Variants in GLMN observed in about 807,000 individuals in gnomAD.
GLMN encodes the protein glomulin, FKBP associated protein, also known as glomulin.
A neutral mutation model predicts 87.8 loss-of-function variants in GLMN; 75 were observed. That is an observed-to-expected ratio of 0.85 (90% CI 0.71 to 1.04). The LOEUF (loss-of-function observed/expected upper bound fraction) is 1.04. Among genes scored for constraint, GLMN ranks in the 50% least tolerant of loss-of-function variants. The pLI, the probability that GLMN is intolerant of heterozygous loss-of-function variation, is 0.00. For missense variants in GLMN, 588 were observed against 658.8 expected (o/e 0.89, Z 1.18); for synonymous variants, 206 against 221.6 (o/e 0.93, Z 0.63).
At chr1:92,307,646 G>T in the GLMN span, among the ~76,000 whole-genome samples, 1 of 151,866 alleles carries the variant, frequency 6.6e-6, no homozygotes, top group Non-Finnish European at 1.5e-5. Context: ...CTATGAGAAA[G>T]GTTAGAAAGT....
chr1:92,308,541 A>T, the GLMN span, among the ~76,000 whole-genome samples: 1 of 152,198 alleles, frequency 6.6e-6, no homozygotes, highest in Non-Finnish European at 1.5e-5. Flanking sequence ...CTACATCTTA[A>T]ATTTAACCCT....
intron 7 of GLMN, 110 bp downstream of exon 7, chr1:92,286,380 C>T (rs190629646): frequency 8.8e-5 from 50 of 568,714 alleles, no homozygotes; most frequent in Admixed American, 1.9e-4. Flanking sequence ...GTGTGTTCTA[C>T]AAAAAATACA....
the GLMN span, among the ~76,000 whole-genome samples, chr1:92,359,806 G>C: frequency 6.6e-6 from 1 of 152,198 alleles, no homozygotes; most frequent in Non-Finnish European, 1.5e-5. Flanking sequence ...AATGGCAAGA[G>C]GCAGAGGATG....
At chr1:92,306,882 A>G in the GLMN span, among the ~76,000 whole-genome samples, 1 of 152,246 alleles carries the variant, frequency 6.6e-6, no homozygotes, top group Admixed American at 6.5e-5. Flanking sequence ...ATGTTTAAAA[A>G]TAGGCAAAAC....
chr1:92,296,009 T>TA (rs1182796843), intron 3 of GLMN, among the ~76,000 whole-genome samples: 2 of 152,152 alleles, frequency 1.3e-5, no homozygotes, highest in African/African-American at 4.8e-5. Context: ...AAAGTTATCA[T>TA]AAACATGTAT....
Position 92,247,936 on chromosome 1 carries a change from A to G in GLMN, c.1527T>C (p.Leu509=). 7.0e-7 allele frequency: 1 copy of G among 1,424,242 alleles called. No individual in the cohort carries two copies. Among genetic ancestry groups the G allele is most frequent in the African/African-American group, 1.4e-5 (1 of 71,428 alleles). The allele number at this position is 1,424,242 out of a possible 1,614,324, so 88.2% of individuals were successfully genotyped here. The change falls in exon 17 of 19, where the codon CTT becomes CTC. Residue 509 remains leucine (L), a synonymous_variant. Coordinates refer to ENST00000370360, the MANE Select transcript of GLMN (RefSeq NM_053274.3). The part of the protein sequence containing the change: ...GNIENNFLKP[L]HIGLNMSKAH... ...CTTTTGACATATTAAGTCCTATATGAAGTGGCTTTAAGAAATTATTCTCAA... is the reference window on the plus strand; with the variant it reads ...CTTTTGACATATTAAGTCCTATATGGAGTGGCTTTAAGAAATTATTCTCAA...
chr1:92,366,209 A>G, the GLMN span, among the ~76,000 whole-genome samples: 1 of 152,146 alleles, frequency 6.6e-6, no homozygotes, highest in Admixed American at 6.5e-5. Context: ...AGGCTGAGGT[A>G]GAAGGATTGC....
intron 16 of GLMN, among the ~76,000 whole-genome samples, chr1:92,255,426 A>T (rs1654091328): frequency 6.6e-6 from 1 of 152,070 alleles, no homozygotes; most frequent in East Asian, 1.9e-4. Flanking sequence ...CATCTACAGA[A>T]CTCTCCACCC....
At chr1:92,247,775 CTA>C (rs1383719774) in intron 17 of GLMN, 101 bp downstream of exon 17, 11 of 691,340 alleles carry the variant, frequency 1.6e-5, no homozygotes, top group Admixed American at 2.1e-5. Flanking sequence ...GTTATGGTCT[CTA>C]AAGTACAAGA....
intron 3 of GLMN, among the ~76,000 whole-genome samples, chr1:92,296,777 G>A (rs1650113594): frequency 6.6e-6 from 1 of 152,168 alleles, no homozygotes; most frequent in Non-Finnish European, 1.5e-5. Flanking sequence ...GATGATACTG[G>A]CTAGTATAAT....
At chr1:92,253,487 G>T (rs987503783) in intron 16 of GLMN, among the ~76,000 whole-genome samples, 1 of 152,206 alleles carries the variant, frequency 6.6e-6, no homozygotes, top group African/African-American at 2.4e-5. Context: ...ACACCTCCCA[G>T]CAGGGGTCAA....
At chr1:92,327,127 T>C in the GLMN span, among the ~76,000 whole-genome samples, 1 of 152,236 alleles carries the variant, frequency 6.6e-6, no homozygotes, top group African/African-American at 2.4e-5. Flanking sequence ...TTCTAGGGTA[T>C]AATCAAAATT....
At chr1:92,261,571 G>GGTATGAGGAACCTCTT (rs1655046240) in intron 16 of GLMN, among the ~76,000 whole-genome samples, 1 of 152,076 alleles carries the variant, frequency 6.6e-6, no homozygotes, top group African/African-American at 2.4e-5. Context: ...ACTAGGAAGG[G>GGTATGAGGAACCTCTT]GTATGAGGAA....
chr1:92,273,374 A>G (rs769785359), intron 7 of GLMN, among the ~76,000 whole-genome samples: 1 of 152,060 alleles, frequency 6.6e-6, no homozygotes, highest in Non-Finnish European at 1.5e-5. Context: ...AAATGTCCTT[A>G]ATCATGAAGC....
chr1:92,280,125 A>G (rs1647830329), intron 7 of GLMN, among the ~76,000 whole-genome samples: 1 of 152,240 alleles, frequency 6.6e-6, no homozygotes, highest in Non-Finnish European at 1.5e-5. Flanking sequence ...TCAGCATAGC[A>G]TTCGAGCTCC....
chr1:92,314,724 C>A, the GLMN span, among the ~76,000 whole-genome samples: 2 of 134,614 alleles, frequency 1.5e-5, no homozygotes, highest in African/African-American at 2.8e-5. Flanking sequence ...GCCTGGGCAA[C>A]AGAGTGAGAC....
the GLMN span, among the ~76,000 whole-genome samples, chr1:92,321,005 T>C: frequency 6.6e-6 from 1 of 152,218 alleles, no homozygotes; most frequent in Non-Finnish European, 1.5e-5. Context: ...AATGTACCAG[T>C]TACTTAATTA....
At chr1:92,293,887 G>A (rs1649719450) in intron 3 of GLMN, among the ~76,000 whole-genome samples, 1 of 151,854 alleles carries the variant, frequency 6.6e-6, no homozygotes, top group Non-Finnish European at 1.5e-5. Flanking sequence ...TCACTTTTTT[G>A]TGGGATCTGA....
chr1:92,267,063 A>C (rs191828400), intron 11 of GLMN, among the ~76,000 whole-genome samples: 2 of 152,368 alleles, frequency 1.3e-5, no homozygotes, highest in Admixed American at 1.3e-4. Context: ...ACAATATGTT[A>C]ACAAAAACCA....
Sources: allele counts gnomAD v4.1 joint callset (sites outside exome capture counted in the v4.1 genomes callset), GRCh38; gene constraint gnomAD v4.1.1; transcripts MANE v1.5; gene names NCBI Gene and HGNC (gene_info 2026-07-23, HGNC 2026-07-21).